DNAH17: variants seen among roughly 807,000 people sequenced by gnomAD.
DNAH17 encodes the protein dynein axonemal heavy chain 17, also known as axonemal beta dynein heavy chain 17.
A neutral mutation model predicts 485.6 loss-of-function variants in DNAH17; 376 were observed. The ratio of observed to expected loss-of-function variants is 0.77; its 90% confidence interval spans 0.71 to 0.84. The LOEUF (loss-of-function observed/expected upper bound fraction) is 0.84, where lower values mean the gene tolerates loss of function less well. Ranked by LOEUF, DNAH17 falls within the 40% of genes least tolerant of loss-of-function variation. DNAH17 has a pLI of 0.00. For missense variants in DNAH17, 6,370 were observed against 5,839.3 expected (o/e 1.09, Z -2.96); for synonymous variants, 3,031 against 2,405.9 (o/e 1.26, Z -7.60).
intron 19 of DNAH17, among the ~76,000 whole-genome samples, chr17:78,535,500 G>A (rs1281218215): frequency 6.6e-6 from 1 of 152,006 alleles, no homozygotes; most frequent in African/African-American, 2.4e-5. Context: ...ATGCAAATAC[G>A]CACACGGGCA....
In DNAH17 at chr17:78,467,424, T is replaced by C. The variant is rs572512258; in HGVS notation, c.8779-608A>G. Among the ~76,000 whole-genome samples the C allele has an allele frequency of 3.1e-3, 473 of 152,278 alleles. 2 individuals are homozygous for C. Among genetic ancestry groups the C allele is most frequent in the Non-Finnish European group, 5.5e-3 (375 of 68,012 alleles). Reference sequence around the variant, plus strand: ...TGACTTTGCACCCCTCACTGCGTGATGACGTGAGGGTGCAGGACAGAGCCG... The same window carrying C: ...TGACTTTGCACCCCTCACTGCGTGACGACGTGAGGGTGCAGGACAGAGCCG... On this transcript the variant is annotated intron_variant, in intron 55 of 80. Coordinates refer to ENST00000389840, the MANE Select transcript of DNAH17 (RefSeq NM_173628.4).
chr17:78,521,960 T>C (rs2090945411), intron 25 of DNAH17, among the ~76,000 whole-genome samples: 1 of 152,200 alleles, frequency 6.6e-6, no homozygotes, highest in Non-Finnish European at 1.5e-5. Context: ...TACTCCAGCC[T>C]GGGCGACAGA....
At chr17:78,568,441 T>C (rs2092302606) in intron 9 of DNAH17, among the ~76,000 whole-genome samples, 2 of 151,280 alleles carry the variant, frequency 1.3e-5, no homozygotes, top group Non-Finnish European at 1.5e-5. Flanking sequence ...GATTTTCCCC[T>C]TTTTTAAGGA....
Position 78,501,697 on chromosome 17 carries a change from G to C in DNAH17, c.5322+45C>G, listed in dbSNP as rs547177939. The C allele has an allele frequency of 6.3e-6, 10 of 1,599,616 alleles. No homozygotes were observed. The Admixed American group carries it at 1.7e-4, about 27-fold the overall frequency. Reference sequence around the variant, plus strand: ...CTGAATGCACTGCCCTGAACCCGGTGTCCCCTTGCCCTTCCCCTGGCCCCT... The same window carrying C: ...CTGAATGCACTGCCCTGAACCCGGTCTCCCCTTGCCCTTCCCCTGGCCCCT... On this transcript the variant is annotated intron_variant, in intron 34 of 80. Coordinates refer to ENST00000389840, the MANE Select transcript of DNAH17 (RefSeq NM_173628.4).
At chr17:78,494,253 GC>G in intron 40 of DNAH17, 80 bp from the exon 41 acceptor site, 1 of 1,542,338 alleles carries the variant, frequency 6.5e-7, no homozygotes, top group Non-Finnish European at 8.7e-7. Flanking sequence ...GGGGCTTCCT[GC>G]CCCGTGGGGG....
At chr17:78,484,580 C>A (rs561007937) in intron 48 of DNAH17, among the ~76,000 whole-genome samples, 6 of 152,102 alleles carry the variant, frequency 3.9e-5, no homozygotes, top group African/African-American at 7.2e-5. Flanking sequence ...AGGATCCCCC[C>A]CTCCGCGGGG....
At chr17:78,496,159 A>C in intron 37 of DNAH17, 127 bp from the exon 38 acceptor site, 1 of 1,035,288 alleles carries the variant, frequency 9.7e-7, no homozygotes, top group Non-Finnish European at 1.4e-6. Flanking sequence ...CTCCTAGTTT[A>C]TTTTTTAAAT....
At chr17:78,525,424 C>T (rs1028945332) in intron 24 of DNAH17, among the ~76,000 whole-genome samples, 9 of 152,250 alleles carry the variant, frequency 5.9e-5, no homozygotes, top group African/African-American at 1.9e-4. Flanking sequence ...TGGTAAATGC[C>T]TCATTTCCTC....
At position 78,474,710 on chromosome 17, in the gene DNAH17, G is replaced by T. The variant is rs201413280; in HGVS notation, c.8511+568C>A. On this transcript the variant is annotated intron_variant, in intron 54 of 80. Coordinates refer to ENST00000389840, the MANE Select transcript of DNAH17 (RefSeq NM_173628.4). Reference sequence around the variant, plus strand: ...CACGGACACGCACACTGGCTGGAAGGTTTCACACCCTTCACCTCAGTCACA... The same window carrying T: ...CACGGACACGCACACTGGCTGGAAGTTTTCACACCCTTCACCTCAGTCACA... Among the ~76,000 whole-genome samples, 347 of 152,136 alleles carry T rather than the reference G, an allele frequency of 2.3e-3. 4 individuals are homozygous for T. Among genetic ancestry groups the T allele is most frequent in the East Asian group, 0.021 (108 of 5,176 alleles).
intron 24 of DNAH17, 79 bp downstream of exon 24, chr17:78,526,572 T>G: frequency 7.7e-7 from 1 of 1,297,386 alleles, no homozygotes; most frequent in Admixed American, 2.5e-5. Context: ...TTTCTGGACT[T>G]GAAAGGATAA....
At chr17:78,458,933 G>A in intron 61 of DNAH17, 68 bp downstream of exon 61, 19 of 1,514,370 alleles carry the variant, frequency 1.3e-5, no homozygotes, top group Non-Finnish European at 1.6e-5. Context: ...TTTCAACAGA[G>A]GTATTGACTG....
chr17:78,532,689 C>T lies in DNAH17; in HGVS notation c.2907G>A (p.Val969=). 1 of 1,593,064 alleles carries T rather than the reference C, an allele frequency of 6.3e-7. No homozygotes were observed. Among genetic ancestry groups the T allele is most frequent in the South Asian group, 1.1e-5 (1 of 87,706 alleles). The stretch of plus-strand genomic sequence containing the variant: ...TCATGGCATTGATGACCAGGCTGGA[C>T]ACCTCCTCCCTCATCTCTATGAGGT... ...NTDLIEMREE[V]SSLVINAMKE... The change falls in exon 20 of 81, where the codon GTG becomes GTA. Residue 969 remains valine, a synonymous_variant. Transcript: ENST00000389840.
At position 78,558,252 on chromosome 17, in the gene DNAH17, C is replaced by T. The variant is rs761382647; in HGVS notation, c.2034G>A (p.Leu678=). 1.2e-6 allele frequency: 2 copies of T among 1,613,302 alleles called. No homozygotes were observed. The highest frequency in any genetic ancestry group is 1.7e-6 in the Non-Finnish European group (2 of 1,179,602). ...NLIHVNFSKA[L]VAVLREVKYL... ...ACTTGACTTCTCTCAGAACTGCCAC[C>T]AACTAAATGACAAACGAAGATCAAA... The change falls in exon 14 of 81, where the codon TTG becomes TTA. Residue 678 remains leucine (L), a splice_region_variant and synonymous_variant. Transcript: ENST00000389840.
In DNAH17 at chr17:78,437,806, C is replaced by T. The variant is rs1334401383; in HGVS notation, c.11868G>A (p.Thr3956=). The part of the protein sequence containing the change: ...TLDKKLEHYS[T]GSHEDYRVFI... The stretch of plus-strand genomic sequence containing the variant: ...ACACCCGGTAGTCCTCATGGCTGCC[C>T]GTGCTGTAGTGCTCCAGCTTCTTGT... The change falls in exon 74 of 81, where the codon ACG becomes ACA. Residue 3956 remains threonine (T), a synonymous_variant. Transcript: ENST00000389840. 4 of 1,612,462 alleles carry T rather than the reference C, an allele frequency of 2.5e-6. No homozygotes were observed. Among genetic ancestry groups the T allele is most frequent in the Non-Finnish European group, 3.4e-6 (4 of 1,179,736 alleles).
At chr17:78,499,178 G>A in intron 36 of DNAH17, 66 bp from the exon 37 acceptor site, 1 of 1,090,480 alleles carries the variant, frequency 9.2e-7, no homozygotes, top group Non-Finnish European at 1.3e-6. Flanking sequence ...CGCTGCAGGG[G>A]CCTCCCCCTG....
At chr17:78,440,597 A>C (rs1228134284) in intron 72 of DNAH17, among the ~76,000 whole-genome samples, 1 of 152,130 alleles carries the variant, frequency 6.6e-6, no homozygotes, top group Non-Finnish European at 1.5e-5. Context: ...CTATTCCACC[A>C]TATAGAGCCA....
Position 78,528,950 on chromosome 17 carries a change from ATTTT to A in DNAH17, c.3507+518_3507+521del, listed in dbSNP as rs56009624. 1.1e-4 allele frequency among the ~76,000 whole-genome samples: 16 copies of A among 140,600 alleles called. 1 individual carries two copies. The highest frequency in any genetic ancestry group is 1.1e-3 in the Admixed American group (16 of 14,170). The allele number at this position is 140,600 out of a possible 152,430, so 92.2% of individuals were successfully genotyped here. ...GACATGGGACATAAAGGCATTTTGT[ATTTT>A]TTTTTTTTTTTAAGACAGAATCTCT... is the stretch of plus-strand genomic sequence containing the variant. On this transcript the variant is annotated intron_variant, in intron 22 of 80. Transcript: ENST00000389840.
rs780066240 is a variant in DNAH17, at chr17:78,460,155, C to T, written c.9435+7G>A. 2 of 1,601,690 alleles carry T rather than the reference C, an allele frequency of 1.2e-6. No individual in the cohort carries two copies. The highest frequency in any genetic ancestry group is 1.7e-6 in the Non-Finnish European group (2 of 1,173,192). ...CAGGGGTCCCCTTTCTTTCCCTCCC[C>T]CTTTACCTTATTCAGAGTGTCCAGA... On this transcript the variant is annotated splice_region_variant and intron_variant, in intron 59 of 80. Coordinates refer to ENST00000389840, the MANE Select transcript of DNAH17 (RefSeq NM_173628.4).
In DNAH17 at chr17:78,492,432, C is replaced by A. The variant is rs139185596; in HGVS notation, c.6541+201G>T. 1.3e-5 allele frequency among the ~76,000 whole-genome samples: 2 copies of A among 152,284 alleles called. 1 individual carries two copies. Among genetic ancestry groups the A allele is most frequent in the African/African-American group, 4.8e-5 (2 of 41,548 alleles). ...CGTCCCAGCTCCTGTGGCCCCCATT[C>A]CTTATCCCCCAGCCCGGGTGCTACG... On this transcript the variant is annotated intron_variant, in intron 42 of 80. Coordinates refer to ENST00000389840, the MANE Select transcript of DNAH17 (RefSeq NM_173628.4).
Sources: allele counts gnomAD v4.1 joint callset (sites outside exome capture counted in the v4.1 genomes callset), GRCh38; gene constraint gnomAD v4.1.1; transcripts MANE v1.5; gene names NCBI Gene and HGNC (gene_info 2026-07-23, HGNC 2026-07-21).